PPAT: variants seen among roughly 807,000 people sequenced by gnomAD.
The protein encoded by PPAT is amidophosphoribosyltransferase.
In PPAT, 20 loss-of-function variants were observed where a neutral mutation model predicts 60.2. The observed-to-expected ratio is 0.33, with a 90% CI of 0.23 to 0.48. PPAT has a LOEUF of 0.48. Among genes scored for constraint, PPAT ranks in the 20% least tolerant of loss-of-function variants. The probability of loss-of-function intolerance (pLI) is 0.99; values close to 1 mark genes in which losing one functional copy is unlikely to be tolerated. For synonymous variants in PPAT, 194 were observed against 215.1 expected, an observed-to-expected ratio of 0.90 and a Z score of 0.86; for missense variants, 349 against 629.6, an observed-to-expected ratio of 0.55 and a Z score of 4.77.
In PPAT at chr4:56,400,749, G is replaced by A. The variant is rs760881525; in HGVS notation, c.1014+35C>T. ...AGGGTTTCTTATTCCACAGCTGGGA[G>A]AGCAATTCACTGCATGTTAATTAAG... On this transcript the variant is annotated intron_variant, in intron 8 of 10. Coordinates refer to ENST00000264220, the MANE Select transcript of PPAT (RefSeq NM_002703.5). 407 of 1,583,516 alleles carry A rather than the reference G, an allele frequency of 2.6e-4. 1 individual carries two copies. The Middle Eastern group carries it at 3.2e-3, about 13-fold the overall frequency.
In PPAT at chr4:56,399,386, A is replaced by G; in HGVS notation, c.1029T>C (p.Tyr343=). The part of the protein sequence containing the change: ...LAYAGKCGLP[Y]VEVLCKNRYV... ...ACCGGTTTTTACACAGCACCTCCAC[A>G]TATGGAAGTCCACACTGATAGAGAA... Residue 343 remains tyrosine (Y), a synonymous_variant, in exon 9 of 11, where the codon TAT becomes TAC. Transcript: ENST00000264220. The G allele has an allele frequency of 1.2e-6, 2 of 1,612,826 alleles. No homozygotes were observed. The highest frequency in any genetic ancestry group is 8.5e-7 in the Non-Finnish European group (1 of 1,178,846).
intron 1 of PPAT, among the ~76,000 whole-genome samples, chr4:56,417,075 T>C (rs1716789146): frequency 6.6e-6 from 1 of 152,142 alleles, no homozygotes; most frequent in Non-Finnish European, 1.5e-5. Flanking sequence ...TCTAGAACTC[T>C]CGACCTCTGG....
At chr4:56,417,321 G>A (rs929027540) in intron 1 of PPAT, among the ~76,000 whole-genome samples, 11 of 151,210 alleles carry the variant, frequency 7.3e-5, no homozygotes, top group Admixed American at 5.3e-4. Flanking sequence ...GCATTTCAAA[G>A]CAAAGACATT....
At chr4:56,397,952 G>A (rs139415799) in intron 9 of PPAT, among the ~76,000 whole-genome samples, 7,122 of 152,032 alleles carry the variant, frequency 0.047, 212 homozygotes, top group Admixed American at 0.093. Flanking sequence ...TGAAGTGGGA[G>A]GATCTCTTGA....
chr4:56,435,335 C>CACCCTGTT lies in PPAT; in HGVS notation c.128+7_128+14dup. The CACCCTGTT allele has an allele frequency of 6.2e-7, 1 of 1,613,564 alleles. No homozygotes were observed. The highest frequency in any genetic ancestry group is 8.5e-7 in the Non-Finnish European group (1 of 1,179,674). On this transcript the variant is annotated intron_variant, in intron 1 of 10. Transcript: ENST00000264220. ...TGGAGACGCACGCCCCCGCCACCCC[C>CACCCTGTT]ACCCTGTTGCTCACCGGTGCTGCAG... is the stretch of plus-strand genomic sequence containing the variant.
chr4:56,395,186 G>A lies in PPAT; in HGVS notation c.*166C>T, dbSNP rs1316024461. The A allele has an allele frequency of 1.7e-5, 10 of 576,528 alleles. No individual in the cohort carries two copies. The highest frequency in any genetic ancestry group is 2.7e-5 in the Non-Finnish European group (9 of 338,312). The allele number at this position is 576,528 out of a possible 1,614,324, so 35.7% of individuals were successfully genotyped here. On this transcript the variant is annotated 3_prime_UTR_variant, in exon 11 of 11. Coordinates refer to ENST00000264220, the MANE Select transcript of PPAT (RefSeq NM_002703.5). ...ATGCAATTGGAAATGTTCAGTTATCGCACTTTGGTATCCTTTTCAGAAAAA... is the reference window on the plus strand; with the variant it reads ...ATGCAATTGGAAATGTTCAGTTATCACACTTTGGTATCCTTTTCAGAAAAA...
intron 9 of PPAT, among the ~76,000 whole-genome samples, chr4:56,397,728 T>G (rs1716009826): frequency 6.6e-6 from 1 of 152,120 alleles, no homozygotes; most frequent in South Asian, 2.1e-4. Flanking sequence ...AAATAAAAAT[T>G]AAAAAAAAAT....
rs1474195633 is a variant in PPAT at position 56,407,315 on chromosome 4, TTTTC to T, written c.195+331_195+334del. Among the ~76,000 whole-genome samples the T allele has an allele frequency of 5.3e-5, 8 of 152,214 alleles. No homozygotes were observed. The East Asian group carries it at 7.7e-4, about 15-fold the overall frequency. On this transcript the variant is annotated intron_variant, in intron 2 of 10. Coordinates refer to ENST00000264220, the MANE Select transcript of PPAT (RefSeq NM_002703.5). ...TGTTATCTTTGTCATCCCATTTCTT[TTTTC>T]TTTCTTTTTTTTTTTTGAGATGGAG...
rs1716128482 is a variant in PPAT at position 56,402,157 on chromosome 4, CCTT to C, written c.683_685del (p.Glu228del). On this transcript the variant is annotated inframe_deletion, in exon 6 of 11. Transcript: ENST00000264220. Reference sequence around the variant, plus strand: ...ACAAGATTCTGAAGACACCACCCATCCTTCTGTTTCTGATGTTTTTTTCTCTGT... The same window carrying C: ...ACAAGATTCTGAAGACACCACCCATCCTGTTTCTGATGTTTTTTTCTCTGT... The C allele has an allele frequency of 6.2e-7, 1 of 1,606,896 alleles. No homozygotes were observed. The highest frequency in any genetic ancestry group is 1.3e-5 in the African/African-American group (1 of 74,772).
chr4:56,406,026 A>G (rs1292794262), intron 3 of PPAT, among the ~76,000 whole-genome samples: 3 of 152,178 alleles, frequency 2.0e-5, no homozygotes, highest in Non-Finnish European at 2.9e-5. Context: ...TCAGAATACA[A>G]TTGAATTATA....
At chr4:56,426,433 T>C (rs1484578608) in intron 1 of PPAT, among the ~76,000 whole-genome samples, 2 of 151,678 alleles carry the variant, frequency 1.3e-5, no homozygotes, top group African/African-American at 4.8e-5. Flanking sequence ...CCCATATCCA[T>C]CAGTAGTTTA....
Position 56,396,507 on chromosome 4 carries a change from A to G in PPAT, c.1357+112T>C, listed in dbSNP as rs905679848. The G allele has an allele frequency of 8.4e-6, 9 of 1,075,806 alleles. No individual in the cohort carries two copies. The African/African-American group carries it at 9.6e-5, about 11-fold the overall frequency. 66.6% of individuals were successfully genotyped at this position (1,075,806 alleles called of 1,614,324 possible). A position where few individuals can be genotyped will look rare whatever the true frequency, so the allele number is the denominator to read the frequency against. ...AGTATTCAATATCTGTTTAACATAT[A>G]TAACTACTTTTAACAAACACTGAAT... On this transcript the variant is annotated intron_variant, in intron 10 of 10. Transcript: ENST00000264220. The surrounding 1 kb of genome is among the most constrained non-coding windows in gnomAD (Gnocchi z 4.6).
At chr4:56,427,577 C>G (rs1261962959) in intron 1 of PPAT, among the ~76,000 whole-genome samples, 1 of 150,624 alleles carries the variant, frequency 6.6e-6, no homozygotes, top group East Asian at 1.9e-4. Flanking sequence ...GAGGCTGAGG[C>G]AGGAGGATCG....
chr4:56,398,881 G>A (rs1419584322), intron 9 of PPAT, among the ~76,000 whole-genome samples: 1 of 151,990 alleles, frequency 6.6e-6, no homozygotes, highest in Non-Finnish European at 1.5e-5. Context: ...TCGAACTCCT[G>A]GGCTCAAGCA....
rs28651722 is a variant in PPAT at position 56,413,303 on chromosome 4, C to T, written c.129-5587G>A. On this transcript the variant is annotated intron_variant, in intron 1 of 10. Coordinates refer to ENST00000264220, the MANE Select transcript of PPAT (RefSeq NM_002703.5). ...TCCTGAGCTGGGATTAGAGGCGCAA[C>T]GCCACCATGCCCAGCTAGTTTTTGT... is the stretch of plus-strand genomic sequence containing the variant. Among the ~76,000 whole-genome samples the T allele has an allele frequency of 6.9e-3, 1,057 of 152,196 alleles. 14 individuals carry two copies. Among genetic ancestry groups the T allele is most frequent in the African/African-American group, 0.024 (995 of 41,526 alleles).
Position 56,420,377 on chromosome 4 carries a change from T to C in PPAT, c.129-12661A>G, listed in dbSNP as rs1388372625. On this transcript the variant is annotated intron_variant, in intron 1 of 10. Coordinates refer to ENST00000264220, the MANE Select transcript of PPAT (RefSeq NM_002703.5). ...TAGCATCATGTTGGTGCTCAAAAAGTTTCAAATTTTGTAGCATTTCAGATT... is the reference window on the plus strand; with the variant it reads ...TAGCATCATGTTGGTGCTCAAAAAGCTTCAAATTTTGTAGCATTTCAGATT... 4 of 152,196 alleles carry C rather than the reference T, an allele frequency of 2.6e-5. No homozygotes were observed. In the East Asian group the frequency reaches 7.7e-4, roughly 29 times the overall value. The allele number at this position is 152,196 out of a possible 1,614,324, so 9.4% of individuals were successfully genotyped here.
In PPAT at chr4:56,394,000, GT is replaced by G. The variant is rs1715891274; in HGVS notation, c.*1351del. On this transcript the variant is annotated 3_prime_UTR_variant, in exon 11 of 11. Transcript: ENST00000264220. The stretch of plus-strand genomic sequence containing the variant: ...ACTATATACCAAAGGAAGACAAACA[GT>G]TTCAGTTATTAATAAATATTAAATT... The G allele has an allele frequency of 6.6e-6, 1 of 152,098 alleles. No individual in the cohort carries two copies. Among genetic ancestry groups the G allele is most frequent in the African/African-American group, 2.4e-5 (1 of 41,384 alleles). The allele number at this position is 152,098 out of a possible 1,614,324, so 9.4% of individuals were successfully genotyped here.
chr4:56,405,563 C>T (rs992540749), intron 3 of PPAT, among the ~76,000 whole-genome samples: 1 of 152,212 alleles, frequency 6.6e-6, no homozygotes, highest in African/African-American at 2.4e-5. Flanking sequence ...AGCTGATCAC[C>T]AGTGGCTGAT....
At chr4:56,399,103 A>G (rs1560637033) in intron 9 of PPAT, 76 bp downstream of exon 9, 1 of 1,279,340 alleles carries the variant, frequency 7.8e-7, no homozygotes, top group Non-Finnish European at 1.1e-6. Flanking sequence ...ATTTTGATTC[A>G]CTACCCTGAA....
Sources: gnomAD v4.1 joint callset for allele counts (sites outside exome capture counted in the v4.1 genomes callset) on GRCh38, gnomAD v4.1.1 for gene constraint, Gnocchi (gnomAD v3.1) non-coding constraint, MANE v1.5 for transcripts, NCBI Gene and HGNC (gene_info 2026-07-23, HGNC 2026-07-21) for gene names.